FN1: variants seen among roughly 807,000 people sequenced by gnomAD.
FN1 encodes fibronectin.
Under a neutral mutation model 297.3 loss-of-function variants are expected in FN1, and 106 were observed. The observed-to-expected ratio is 0.36, with a 90% CI of 0.30 to 0.42. The LOEUF is 0.42. FN1 is among the 10% of genes least tolerant of loss of function. The pLI, the probability that FN1 is intolerant of heterozygous loss-of-function variation, is 1.00. For missense variants in FN1, 2,690 were observed against 3,124.9 expected (o/e 0.86, Z 3.32); for synonymous variants, 1,149 against 1,152.6 (o/e 1.00, Z 0.06).
chr2:215,365,806 AT>A lies in FN1; in HGVS notation c.7019-177del, dbSNP rs10577918. On this transcript the variant is annotated intron_variant, in intron 42 of 45. Coordinates refer to ENST00000354785, the MANE Select transcript of FN1 (RefSeq NM_212482.4). ...TATTTTATTTATTTATTTACTTTTTATTTTTTTTTTTTTTTTTGAGACAAAG... is the reference window on the plus strand; with the variant it reads ...TATTTTATTTATTTATTTACTTTTTATTTTTTTTTTTTTTTTGAGACAAAG... The A allele has an allele frequency of 0.038, 9,397 of 249,690 alleles. 271 individuals carry two copies. The highest frequency in any genetic ancestry group is 0.11 in the African/African-American group (4,467 of 40,932). 15.5% of individuals were successfully genotyped at this position (249,690 alleles called of 1,614,324 possible).
At chr2:215,418,083 A>C (rs745474438) in intron 12 of FN1, among the ~76,000 whole-genome samples, 2 of 152,200 alleles carry the variant, frequency 1.3e-5, no homozygotes, top group African/African-American at 2.4e-5. Context: ...GTTACAAAAA[A>C]TTAAGTGATT....
intron 13 of FN1, among the ~76,000 whole-genome samples, chr2:215,411,094 A>G (rs1028960646): frequency 6.6e-6 from 1 of 152,188 alleles, no homozygotes; most frequent in Non-Finnish European, 1.5e-5. Context: ...ACCCCATCAG[A>G]AGTGGTTACC....
intron 17 of FN1, 148 bp downstream of exon 17, chr2:215,407,960 A>G: frequency 3.1e-6 from 1 of 323,908 alleles, no homozygotes; most frequent in Non-Finnish European, 5.4e-6. Context: ...CCCGCCACAC[A>G]CACACACACA....
At chr2:215,385,620 G>C (rs953897895) in intron 28 of FN1, among the ~76,000 whole-genome samples, 2 of 150,846 alleles carry the variant, frequency 1.3e-5, no homozygotes, top group African/African-American at 4.9e-5. Flanking sequence ...CCTTCCCTTA[G>C]GTATTTGTCT....
At chr2:215,426,929 G>A (rs552893199) in intron 6 of FN1, among the ~76,000 whole-genome samples, 4 of 151,952 alleles carry the variant, frequency 2.6e-5, no homozygotes, top group African/African-American at 9.7e-5. Context: ...AGGCTGGAGT[G>A]CAGTGGTGCG....
Position 215,404,636 on chromosome 2 carries a change from G to A in FN1, c.3006C>T (p.Asn1002=), listed in dbSNP as rs766921817. The A allele has an allele frequency of 6.8e-6, 11 of 1,613,764 alleles. No homozygotes were observed. In the African/African-American group the frequency reaches 1.1e-4, roughly 16 times the overall value. ...QQTTKLDAPT[N]LQFVNETDST... ...AATCAGTTTCATTGACAAACTGGAG[G>A]TTAGTGGGAGCATCCAGTTCTAGGA... is the stretch of plus-strand genomic sequence containing the variant. Residue 1002 remains asparagine, a synonymous_variant, in exon 20 of 46, where the codon AAC becomes AAT. Transcript: ENST00000354785.
At chr2:215,384,821 G>A in intron 29 of FN1, 39 bp downstream of exon 29, 1 of 1,329,802 alleles carries the variant, frequency 7.5e-7, no homozygotes, top group Non-Finnish European at 1.1e-6. Context: ...AACAGAATCT[G>A]ATTTAATCAG....
rs113298824 is a variant in FN1 at position 215,424,156 on chromosome 2, T to C, written c.1206A>G (p.Thr402=). 3 of 1,614,052 alleles carry C rather than the reference T, an allele frequency of 1.9e-6. No homozygotes were observed. Among genetic ancestry groups the C allele is most frequent in the Admixed American group, 1.7e-5 (1 of 60,008 alleles). The stretch of plus-strand genomic sequence containing the variant: ...CCTTGGGACACTCACCAGTGTGGTC[T>C]GTGCAGAAAGAGTATTTCTGGTCCT... The part of the protein sequence containing the change: ...YEQDQKYSFC[T]DHTVLVQTRG... Residue 402 remains threonine, a synonymous_variant, in exon 8 of 46, where the codon ACA becomes ACG. Coordinates refer to ENST00000354785, the MANE Select transcript of FN1 (RefSeq NM_212482.4).
In FN1 at chr2:215,424,148, G is replaced by A; in HGVS notation, c.1214C>T (p.Thr405Ile). 1 of 1,614,060 alleles carries A rather than the reference G, an allele frequency of 6.2e-7. No homozygotes were observed. The highest frequency in any genetic ancestry group is 8.5e-7 in the Non-Finnish European group (1 of 1,179,928). Reference sequence around the variant, plus strand: ...TGGCTCCCCCTTGGGACACTCACCAGTGTGGTCTGTGCAGAAAGAGTATTT... The same window carrying A: ...TGGCTCCCCCTTGGGACACTCACCAATGTGGTCTGTGCAGAAAGAGTATTT... ...DQKYSFCTDH[T>I]VLVQTRGGNS... is the part of the protein sequence containing the mutation. The change falls in exon 8 of 46, where the codon ACT (threonine) becomes ATT (isoleucine). Residue 405 changes from threonine (T) to isoleucine (I), a missense_variant and splice_region_variant. Physicochemically the swap from Thr to Ile is moderately conservative, Grantham distance 89. Transcript: ENST00000354785.
chr2:215,422,032 A>T (rs1381842795), intron 10 of FN1, 59 bp downstream of exon 10: 4 of 1,543,796 alleles, frequency 2.6e-6, no homozygotes, highest in Non-Finnish European at 3.6e-6. Flanking sequence ...TCATAAAAAA[A>T]AGTGTCCCTT....
rs1454943280 is a variant in FN1 at position 215,407,180 on chromosome 2, T to C, written c.2660A>G (p.Gln887Arg). The change falls in exon 18 of 46, where the codon CAA becomes CGA. Residue 887 changes from glutamine to arginine, a missense_variant. Transcript: ENST00000354785. ...TTGAATGACAACAGGTGTACTTTCTTGATTTTCTTCCACAGCATAGATAGT... is the reference window on the plus strand; with the variant it reads ...TTGAATGACAACAGGTGTACTTTCTCGATTTTCTTCCACAGCATAGATAGT... ...NITIYAVEEN[Q>R]ESTPVVIQQE... 6.2e-7 allele frequency: 1 copy of C among 1,614,182 alleles called. No homozygotes were observed. The highest frequency in any genetic ancestry group is 2.2e-5 in the East Asian group (1 of 44,882).
At chr2:215,420,170 T>A (rs2064031151) in intron 11 of FN1, among the ~76,000 whole-genome samples, 1 of 152,044 alleles carries the variant, frequency 6.6e-6, no homozygotes, top group African/African-American at 2.4e-5. Context: ...AGAAACCCCA[T>A]CTCTACTAAA....
intron 44 of FN1, 24 bp downstream of exon 44, chr2:215,364,855 G>C: frequency 6.7e-7 from 1 of 1,484,192 alleles, no homozygotes; most frequent in Non-Finnish European, 9.2e-7. Flanking sequence ...TAACTTGTAG[G>C]GAGCCTGGCA....
rs1448072612 is a variant in FN1, at chr2:215,388,311, C to T, written c.4253-10G>A. ...GTACCAGGCAGGAGATCTGTAGGGG[C>T]AAATGGGGCTTATTTTAAAACTCTG... On this transcript the variant is annotated splice_polypyrimidine_tract_variant and intron_variant, in intron 26 of 45. Coordinates refer to ENST00000354785, the MANE Select transcript of FN1 (RefSeq NM_212482.4). 2 of 1,598,386 alleles carry T rather than the reference C, an allele frequency of 1.3e-6. No individual in the cohort carries two copies. Among genetic ancestry groups the T allele is most frequent in the African/African-American group, 2.7e-5 (2 of 74,444 alleles).
At position 215,386,863 on chromosome 2, in the gene FN1, T is replaced by C; in HGVS notation, c.4438A>G (p.Arg1480Gly). The C allele has an allele frequency of 6.2e-7, 1 of 1,613,980 alleles. No homozygotes were observed. Among genetic ancestry groups the C allele is most frequent in the Non-Finnish European group, 8.5e-7 (1 of 1,179,986 alleles). The change falls in exon 28 of 46, where the codon AGG (arginine) becomes GGG (glycine). Residue 1480 changes from arginine (R) to glycine (G), a missense_variant. Transcript: ENST00000354785. The stretch of plus-strand genomic sequence containing the variant: ...AAGTGCTCGGGATGATGGCGGATCC[T>C]GTAGCCAGTGATGGTGGCTCGAGGA... Reference protein sequence around the residue: ...IAPRATITGYRIRHHPEHFSG... With the variant: ...IAPRATITGYGIRHHPEHFSG...
At chr2:215,374,575 T>C (rs188328021) in intron 38 of FN1, among the ~76,000 whole-genome samples, 10 of 152,378 alleles carry the variant, frequency 6.6e-5, no homozygotes, top group Admixed American at 5.2e-4. Context: ...TCCACCATGA[T>C]TGTACATTTT....
chr2:215,367,982 G>A lies in FN1; in HGVS notation c.6899C>T (p.Pro2300Leu), dbSNP rs1483738052. 9.9e-6 allele frequency: 16 copies of A among 1,614,076 alleles called. No homozygotes were observed. The change falls in exon 42 of 46, where the codon CCC becomes CTC. Residue 2300 changes from proline (P) to leucine (L), a missense_variant. By Grantham distance (98) the Pro-to-Leu change is moderately conservative (BLOSUM62 -3). This residue lies in a region of FN1 where 1,743 missense variants were observed against 1,945.2 expected (regional missense o/e 0.90). Coordinates refer to ENST00000354785, the MANE Select transcript of FN1 (RefSeq NM_212482.4). Reference protein sequence around the residue: ...NQPTDDSCFDPYTVSHYAVGD... With the variant: ...NQPTDDSCFDLYTVSHYAVGD... Reference sequence around the variant, plus strand: ...AACGGCATAATGGGAAACTGTGTAGGGGTCAAAGCACGAGTCATCCGTAGG... The same window carrying A: ...AACGGCATAATGGGAAACTGTGTAGAGGTCAAAGCACGAGTCATCCGTAGG...
intron 32 of FN1, 46 bp downstream of exon 32, chr2:215,382,166 A>G: frequency 7.7e-7 from 1 of 1,297,800 alleles, no homozygotes; most frequent in Non-Finnish European, 1.1e-6. Flanking sequence ...GACACCCAAG[A>G]ACAAAATTTG....
At chr2:215,420,340 A>AAAAAAC (rs201177329) in intron 11 of FN1, among the ~76,000 whole-genome samples, 2 of 148,210 alleles carry the variant, frequency 1.3e-5, no homozygotes, top group African/African-American at 2.5e-5. Flanking sequence ...CTCTCTCTCA[A>AAAAAAC]AAAAACAAAA....
Sources: allele counts gnomAD v4.1 joint callset (sites outside exome capture counted in the v4.1 genomes callset), GRCh38; gene constraint gnomAD v4.1.1; regional missense constraint gnomAD v4.1.1; transcripts MANE v1.5; gene names NCBI Gene and HGNC (gene_info 2026-07-23, HGNC 2026-07-21).